Variants in ADGRG6 observed in about 807,000 individuals in gnomAD.
ADGRG6 encodes G-protein coupled receptor 126.
Under a neutral mutation model 142.4 loss-of-function variants are expected in ADGRG6, and 84 were observed. The observed-to-expected ratio is 0.59, with a 90% CI of 0.49 to 0.71. The LOEUF (loss-of-function observed/expected upper bound fraction) is 0.71. ADGRG6 is among the 30% of genes least tolerant of loss of function. ADGRG6 has a pLI of 0.00. For synonymous variants in ADGRG6, 521 were observed against 520.5 expected (o/e 1.00, Z -0.01); for missense variants, 1,367 against 1,466.6 (o/e 0.93, Z 1.11).
At chr6:142,354,825 A>T (rs1780365395) in intron 2 of ADGRG6, among the ~76,000 whole-genome samples, 1 of 152,252 alleles carries the variant, frequency 6.6e-6, no homozygotes, top group African/African-American at 2.4e-5. Context: ...TGCATAATGG[A>T]ACTAACAGTT....
At chr6:142,320,610 A>G (rs1056812129) in intron 2 of ADGRG6, among the ~76,000 whole-genome samples, 1 of 152,094 alleles carries the variant, frequency 6.6e-6, no homozygotes, top group Non-Finnish European at 1.5e-5. Context: ...ACACATAGTG[A>G]AAACTGCGTG....
chr6:142,367,843 G>C lies in ADGRG6; in HGVS notation c.378G>C (p.Glu126Asp). Residue 126 changes from glutamate to aspartate, a missense_variant, in exon 3 of 25, where the codon GAG (glutamate) becomes GAC (aspartate). Glu to Asp is a conservative substitution (Grantham distance 45, BLOSUM62 2). Coordinates refer to ENST00000367609, the MANE Select transcript of ADGRG6 (RefSeq NM_198569.3). ...KGLSFNSSANEMHVSFSSDFS... is the reference protein window; with the variant it reads ...KGLSFNSSANDMHVSFSSDFS... ...TATCATTTAACTCAAGTGCGAATGAGATGCATGTGTCCTTTTCAAGTGACT... is the reference window on the plus strand; with the variant it reads ...TATCATTTAACTCAAGTGCGAATGACATGCATGTGTCCTTTTCAAGTGACT... 1 of 1,613,646 alleles carries C rather than the reference G, an allele frequency of 6.2e-7. No individual in the cohort carries two copies. Among genetic ancestry groups the C allele is most frequent in the Non-Finnish European group, 8.5e-7 (1 of 1,179,734 alleles).
At chr6:142,339,613 A>G (rs1304407784) in intron 2 of ADGRG6, among the ~76,000 whole-genome samples, 1 of 152,168 alleles carries the variant, frequency 6.6e-6, no homozygotes, top group Non-Finnish European at 1.5e-5. Context: ...GTGGTGTCAA[A>G]GCTAGGTTCA....
intron 18 of ADGRG6, among the ~76,000 whole-genome samples, chr6:142,413,899 TCA>T (rs112923600): frequency 0.018 from 2,477 of 141,022 alleles, 41 homozygotes; most frequent in South Asian, 0.06. Flanking sequence ...CATTTCTTTA[TCA>T]CACACACACA....
chr6:142,302,210 C>T lies in ADGRG6; in HGVS notation c.-120C>T, dbSNP rs1777254161. Reference sequence around the variant, plus strand: ...TCCAGAAACGGCGTAAAGGAGGGTCCCGCCGCGGCGCAGGGCTGGGGCGCC... The same window carrying T: ...TCCAGAAACGGCGTAAAGGAGGGTCTCGCCGCGGCGCAGGGCTGGGGCGCC... On this transcript the variant is annotated 5_prime_UTR_variant, in exon 1 of 25. Coordinates refer to ENST00000367609, the MANE Select transcript of ADGRG6 (RefSeq NM_198569.3). 4 of 1,159,748 alleles carry T rather than the reference C, an allele frequency of 3.4e-6. No homozygotes were observed. In the South Asian group the frequency reaches 6.1e-5, roughly 18 times the overall value. The allele number at this position is 1,159,748 out of a possible 1,614,324, so 71.8% of individuals were successfully genotyped here.
chr6:142,354,302 G>A (rs190127176), intron 2 of ADGRG6, among the ~76,000 whole-genome samples: 33 of 152,248 alleles, frequency 2.2e-4, no homozygotes, highest in Admixed American at 1.2e-3. Context: ...TCACTTGAAC[G>A]AACTTGGGAG....
chr6:142,340,282 T>G (rs532260972), intron 2 of ADGRG6, among the ~76,000 whole-genome samples: 7 of 152,276 alleles, frequency 4.6e-5, no homozygotes, highest in African/African-American at 1.7e-4. Flanking sequence ...AATGTCCATT[T>G]ATAGCAATTT....
At chr6:142,357,477 G>A (rs552968523) in intron 2 of ADGRG6, among the ~76,000 whole-genome samples, 1 of 152,222 alleles carries the variant, frequency 6.6e-6, no homozygotes, top group South Asian at 2.1e-4. Context: ...TTATTACTAA[G>A]ATGTTTACAT....
At chr6:142,337,256 C>T (rs1169572702) in intron 2 of ADGRG6, among the ~76,000 whole-genome samples, 2 of 152,186 alleles carry the variant, frequency 1.3e-5, no homozygotes, top group Non-Finnish European at 2.9e-5. Flanking sequence ...CCAGATAAAG[C>T]CTGCCATTAA....
chr6:142,397,526 C>T (rs1775262772), intron 9 of ADGRG6, 87 bp from the exon 10 acceptor site: 6 of 1,218,984 alleles, frequency 4.9e-6, no homozygotes, highest in Non-Finnish European at 7.1e-6. Context: ...ATGGTCATCC[C>T]TCTACATCCA....
chr6:142,403,256 T>G (rs1468871858), intron 13 of ADGRG6, among the ~76,000 whole-genome samples: 1 of 152,172 alleles, frequency 6.6e-6, no homozygotes, highest in Non-Finnish European at 1.5e-5. Flanking sequence ...AAAATGTACC[T>G]GTATTTATAT....
chr6:142,303,984 T>C (rs1305515339), intron 1 of ADGRG6, among the ~76,000 whole-genome samples: 1 of 152,142 alleles, frequency 6.6e-6, no homozygotes, highest in African/African-American at 2.4e-5. Context: ...GAGATTCTTT[T>C]TTGAGCTATT....
chr6:142,432,730 C>T (rs985739716), intron 22 of ADGRG6, among the ~76,000 whole-genome samples: 38 of 152,176 alleles, frequency 2.5e-4, no homozygotes, highest in African/African-American at 9.2e-4. Context: ...TTTATCCTCT[C>T]TGGCTGTGCT....
chr6:142,328,770 G>C (rs530877298), intron 2 of ADGRG6, among the ~76,000 whole-genome samples: 1 of 152,134 alleles, frequency 6.6e-6, no homozygotes, highest in South Asian at 2.1e-4. Context: ...GTCTGGGGTA[G>C]CGCTCATTGA....
rs1776282425 is a variant in ADGRG6 at position 142,414,974 on chromosome 6, T to G, written c.2547T>G (p.Leu849=). The part of the protein sequence containing the change: ...HFTHFGVLMD[L]PRSASQLDAR... ...GCTCGCCATGTTTTATGTAGGACCTTCCAAGAAGTGCCTCACAGTTAGATG... is the reference window on the plus strand; with the variant it reads ...GCTCGCCATGTTTTATGTAGGACCTGCCAAGAAGTGCCTCACAGTTAGATG... Residue 849 remains leucine, a synonymous_variant, in exon 19 of 25, where the codon CTT becomes CTG. Transcript: ENST00000367609. 6.2e-7 allele frequency: 1 copy of G among 1,610,826 alleles called. No homozygotes were observed. Among genetic ancestry groups the G allele is most frequent in the South Asian group, 1.1e-5 (1 of 90,584 alleles).
rs150712265 is a variant in ADGRG6 at position 142,377,585 on chromosome 6, C to A, written c.1070-4366C>A. ...AATATTAAGTAAACACCTGAAAACA[C>A]CTTTCTGGTAGCCTCGAAAATCAGT... On this transcript the variant is annotated intron_variant, in intron 4 of 24. Coordinates refer to ENST00000367609, the MANE Select transcript of ADGRG6 (RefSeq NM_198569.3). Among the ~76,000 whole-genome samples the A allele has an allele frequency of 3.2e-4, 49 of 152,346 alleles. No individual in the cohort carries two copies. In the East Asian group the frequency reaches 9.1e-3, roughly 28 times the overall value.
Position 142,438,309 on chromosome 6 carries a change from T to TA in ADGRG6, c.3520dup (p.Thr1174AsnfsTer5). 1 of 1,609,750 alleles carries TA rather than the reference T, an allele frequency of 6.2e-7. No homozygotes were observed. The highest frequency in any genetic ancestry group is 8.5e-7 in the Non-Finnish European group (1 of 1,177,144). Reference sequence around the variant, plus strand: ...CCATTGGTTCCAACTCAACCTATCTTACATCCAAATCTAAATCCAGCTCTA... The same window carrying TA: ...CCATTGGTTCCAACTCAACCTATCTTAACATCCAAATCTAAATCCAGCTCTA... On this transcript the variant is annotated frameshift_variant, in exon 24 of 25. Coordinates refer to ENST00000367609, the MANE Select transcript of ADGRG6 (RefSeq NM_198569.3). LOFTEE classifies it high-confidence loss of function.
At position 142,403,950 on chromosome 6, in the gene ADGRG6, A is replaced by G. The variant is rs1775667985; in HGVS notation, c.2104A>G (p.Ser702Gly). The G allele has an allele frequency of 6.2e-7, 1 of 1,609,500 alleles. No individual in the cohort carries two copies. The highest frequency in any genetic ancestry group is 2.2e-5 in the East Asian group (1 of 44,832). ...AISNFSIGLPSNNESYFQMDF... is the reference protein window; with the variant it reads ...AISNFSIGLPGNNESYFQMDF... ...TTCAAATTTTAGCATTGGTCTTCCA[A>G]GCAATAATGAATCGTATTTCCAGGT... Residue 702 changes from serine (S) to glycine (G), a missense_variant, in exon 14 of 25, where the codon AGC becomes GGC. Coordinates refer to ENST00000367609, the MANE Select transcript of ADGRG6 (RefSeq NM_198569.3).
intron 24 of ADGRG6, among the ~76,000 whole-genome samples, chr6:142,438,698 A>T (rs1412647115): frequency 6.6e-6 from 1 of 152,182 alleles, no homozygotes; most frequent in African/African-American, 2.4e-5. Context: ...TGAATTACAG[A>T]TTATTTCAGC....
Sources: allele counts gnomAD v4.1 joint callset (sites outside exome capture counted in the v4.1 genomes callset), GRCh38; gene constraint gnomAD v4.1.1; transcripts MANE v1.5; gene names NCBI Gene and HGNC (gene_info 2026-07-23, HGNC 2026-07-21).